The following KCNH1 variants were observed in gnomAD, a reference collection of about 807,000 sequenced individuals.
KCNH1 encodes voltage-gated delayed rectifier potassium channel KCNH1.
A neutral mutation model predicts 69.2 loss-of-function variants in KCNH1; 27 were observed. The ratio of observed to expected loss-of-function variants is 0.39; its 90% CI spans 0.29 to 0.54. The LOEUF (loss-of-function observed/expected upper bound fraction) is 0.54. KCNH1 is among the 20% of genes least tolerant of loss of function. The pLI is 0.68. For synonymous variants in KCNH1, 456 were observed against 487.7 expected (o/e 0.93, Z 0.86); for missense variants, 798 against 1,261.6 (o/e 0.63, Z 5.57).
chr1:210,857,904 A>G (rs1238208751), intron 7 of KCNH1, among the ~76,000 whole-genome samples: 1 of 152,156 alleles, frequency 6.6e-6, no homozygotes, highest in Non-Finnish European at 1.5e-5. Context: ...AGGGAACCAC[A>G]TGCCTTTAGC....
In KCNH1 at chr1:210,892,955, C is replaced by T. The variant is rs571558268; in HGVS notation, c.1462+26685G>A. Among the ~76,000 whole-genome samples the T allele has an allele frequency of 8.5e-5, 13 of 152,136 alleles. No individual in the cohort carries two copies. The South Asian group carries it at 1.0e-3, about 12-fold the overall frequency. ...AATTATATTATCATGATAAATGCAA[C>T]GTAGGAGGTAATCACAGAGAGCCTT... is the stretch of plus-strand genomic sequence containing the variant. On this transcript the variant is annotated intron_variant, in intron 7 of 10. Transcript: ENST00000271751.
In KCNH1 at chr1:210,991,589, G is replaced by A. The variant is rs1213496192; in HGVS notation, c.1032+27194C>T. Among the ~76,000 whole-genome samples the A allele has an allele frequency of 3.7e-5, 5 of 135,262 alleles. No homozygotes were observed. In the Admixed American group the frequency reaches 3.9e-4, roughly 11 times the overall value. The allele number at this position is 135,262 out of a possible 152,430, so 88.7% of individuals were successfully genotyped here. On this transcript the variant is annotated intron_variant, in intron 6 of 10. Coordinates refer to ENST00000271751, the MANE Select transcript of KCNH1 (RefSeq NM_172362.3). Reference sequence around the variant, plus strand: ...TTATACATCTCAAAATTGCCAGAAGGTTTTCTGTTCTTGCCACACACACAC... The same window carrying A: ...TTATACATCTCAAAATTGCCAGAAGATTTTCTGTTCTTGCCACACACACAC...
chr1:211,114,034 TG>T (rs1469797287), intron 1 of KCNH1, among the ~76,000 whole-genome samples: 1 of 151,928 alleles, frequency 6.6e-6, no homozygotes, highest in East Asian at 1.9e-4. Context: ...AGAGAGAATA[TG>T]TGTGTTGGAT....
At chr1:211,002,815 T>C (rs1019464343) in intron 6 of KCNH1, among the ~76,000 whole-genome samples, 1 of 152,122 alleles carries the variant, frequency 6.6e-6, no homozygotes, top group African/African-American at 2.4e-5. Context: ...GACTGTAAGA[T>C]AGACACAGGG....
rs57063242 is a variant in KCNH1 at position 211,070,430 on chromosome 1, AACAC to A, written c.558+12346_558+12349del. On this transcript the variant is annotated intron_variant, in intron 5 of 10. Transcript: ENST00000271751. ...GAGACTCCACCTTTAAAAAAAAAAA[AACAC>A]ACACACACACACACACACACACACA... Among the ~76,000 whole-genome samples, 42 of 137,118 alleles carry A rather than the reference AACAC, an allele frequency of 3.1e-4. 1 individual carries two copies. The highest frequency in any genetic ancestry group is 7.6e-3 in the Middle Eastern group (2 of 264). The allele number at this position is 137,118 out of a possible 152,430, so 90.0% of individuals were successfully genotyped here.
At chr1:210,761,231 G>A (rs1305459401) in intron 10 of KCNH1, among the ~76,000 whole-genome samples, 2 of 107,308 alleles carry the variant, frequency 1.9e-5, no homozygotes, top group African/African-American at 3.6e-5. Flanking sequence ...CAGCCTGGGC[G>A]ACAGAGCGAG....
intron 5 of KCNH1, among the ~76,000 whole-genome samples, chr1:211,080,484 G>A (rs551239700): frequency 6.6e-6 from 1 of 152,136 alleles, no homozygotes; most frequent in African/African-American, 2.4e-5. Context: ...AGTTCATGTG[G>A]AACCAAAAAG....
chr1:210,907,640 C>T (rs1182681530), intron 7 of KCNH1, among the ~76,000 whole-genome samples: 3 of 152,126 alleles, frequency 2.0e-5, no homozygotes, highest in Admixed American at 6.5e-5. Context: ...GGGCATTTCC[C>T]CCACATTGGA....
chr1:211,074,753 G>T (rs1690703125), intron 5 of KCNH1, among the ~76,000 whole-genome samples: 1 of 152,144 alleles, frequency 6.6e-6, no homozygotes, highest in Admixed American at 6.6e-5. Flanking sequence ...ATCTGAATGG[G>T]CCTCATCCAG....
intron 6 of KCNH1, among the ~76,000 whole-genome samples, chr1:210,946,708 C>G (rs190083741): frequency 6.6e-6 from 1 of 152,216 alleles, no homozygotes; most frequent in Admixed American, 6.5e-5. Flanking sequence ...CCTGCCTTCT[C>G]TCCCGCCGTG....
intron 10 of KCNH1, among the ~76,000 whole-genome samples, chr1:210,742,092 A>G (rs943924253): frequency 2.0e-5 from 3 of 152,220 alleles, no homozygotes; most frequent in African/African-American, 7.2e-5. Context: ...GTGCTGCCTA[A>G]CCAAAGGCCT....
intron 5 of KCNH1, among the ~76,000 whole-genome samples, chr1:211,058,075 A>C (rs1205186613): frequency 2.0e-5 from 3 of 152,196 alleles, no homozygotes; most frequent in Admixed American, 2.0e-4. Context: ...AAAATAGAGA[A>C]GGAAAAAATT....
chr1:210,978,921 C>A (rs1688663211), intron 6 of KCNH1, among the ~76,000 whole-genome samples: 1 of 152,182 alleles, frequency 6.6e-6, no homozygotes, highest in African/African-American at 2.4e-5. Context: ...AGTGTCTCCT[C>A]TGCATATTCA....
At chr1:210,898,591 C>T (rs1323465693) in intron 7 of KCNH1, among the ~76,000 whole-genome samples, 2 of 152,094 alleles carry the variant, frequency 1.3e-5, no homozygotes, top group Non-Finnish European at 2.9e-5. Context: ...CACTGCTGAG[C>T]ACCCACTGTG....
At chr1:210,768,671 G>C (rs1338863161) in intron 10 of KCNH1, among the ~76,000 whole-genome samples, 2 of 152,218 alleles carry the variant, frequency 1.3e-5, no homozygotes, top group African/African-American at 2.4e-5. Flanking sequence ...GCAAATGGCA[G>C]AGCCTGGATG....
intron 7 of KCNH1, among the ~76,000 whole-genome samples, chr1:210,888,219 C>T (rs566802689): frequency 1.2e-4 from 19 of 152,268 alleles, no homozygotes; most frequent in Admixed American, 2.6e-4. Flanking sequence ...TGTCAGACCA[C>T]AGTGCAATCA....
chr1:211,049,708 A>T (rs895250761), intron 5 of KCNH1, among the ~76,000 whole-genome samples: 1 of 152,144 alleles, frequency 6.6e-6, no homozygotes, highest in Non-Finnish European at 1.5e-5. Context: ...CTGCTACAAG[A>T]CCACTGCAGG....
chr1:210,869,484 C>CGTGTGT lies in KCNH1; in HGVS notation c.1462+50150_1462+50155dup, dbSNP rs61235458. Among the ~76,000 whole-genome samples, 1,137 of 136,982 alleles carry CGTGTGT rather than the reference C, an allele frequency of 8.3e-3. 20 individuals carry two copies. The highest frequency in any genetic ancestry group is 0.056 in the East Asian group (248 of 4,408). 89.9% of individuals were successfully genotyped at this position (136,982 alleles called of 152,430 possible). The stretch of plus-strand genomic sequence containing the variant: ...ACTGATTTTTCTCCTAGTTATAAGT[C>CGTGTGT]GTGTGTGTGTGTGTGTGTGTGTGTG... On this transcript the variant is annotated intron_variant, in intron 7 of 10. Transcript: ENST00000271751.
At chr1:210,702,034 C>A (rs1681793778) in intron 10 of KCNH1, among the ~76,000 whole-genome samples, 1 of 152,198 alleles carries the variant, frequency 6.6e-6, no homozygotes, top group African/African-American at 2.4e-5. Context: ...GGCTGAAATT[C>A]ATTTTTCTAT....
Sources: allele counts gnomAD v4.1 joint callset (sites outside exome capture counted in the v4.1 genomes callset), GRCh38; gene constraint gnomAD v4.1.1; transcripts MANE v1.5; gene names NCBI Gene and HGNC (gene_info 2026-07-23, HGNC 2026-07-21).